ZNF90: variants seen among roughly 807,000 people sequenced by gnomAD.
ZNF90 encodes zinc finger protein HTF9.
A neutral mutation model predicts 12.0 loss-of-function variants in ZNF90; 11 were observed. The observed-to-expected ratio is 0.92, with a 90% confidence interval of 0.58 to 1.52. The LOEUF (loss-of-function observed/expected upper bound fraction) is 1.52, where lower values mean the gene tolerates loss of function less well. Ranked by LOEUF, ZNF90 falls within the 40% of genes most tolerant of loss-of-function variation. The pLI is 0.00. For missense variants in ZNF90, 765 were observed against 711.5 expected (o/e 1.08, Z -0.86); for synonymous variants, 232 against 240.1 (o/e 0.97, Z 0.31).
At chr19:20,111,265 T>C (rs2089086390) in intron 3 of ZNF90, among the ~76,000 whole-genome samples, 1 of 152,140 alleles carries the variant, frequency 6.6e-6, no homozygotes, top group Admixed American at 6.5e-5. Context: ...AGGGTCTCAC[T>C]CTGTCAACCA....
intron 1 of ZNF90, among the ~76,000 whole-genome samples, chr19:20,089,401 T>G (rs2088884598): frequency 6.6e-6 from 1 of 152,304 alleles, no homozygotes; most frequent in African/African-American, 2.4e-5. Context: ...TAAGTTTGCC[T>G]GTATTGATAG....
In ZNF90 at chr19:20,078,000, C is replaced by T; in HGVS notation, c.-133C>T. On this transcript the variant is annotated 5_prime_UTR_variant, in exon 1 of 4. Coordinates refer to ENST00000418063, the MANE Select transcript of ZNF90 (RefSeq NM_007138.2). ...GGAAGGCTTTCGGGTTTGGCGCGGC[C>T]ATTTGTCTCTTGCTGCAGCTGGTGC... is the stretch of plus-strand genomic sequence containing the variant. The T allele has an allele frequency of 3.3e-6, 4 of 1,194,968 alleles. No individual in the cohort carries two copies. Among genetic ancestry groups the T allele is most frequent in the African/African-American group, 1.5e-5 (1 of 66,572 alleles). The allele number at this position is 1,194,968 out of a possible 1,614,324, so 74.0% of individuals were successfully genotyped here.
chr19:20,110,427 C>T (rs1568290817), intron 3 of ZNF90, among the ~76,000 whole-genome samples: 1 of 151,966 alleles, frequency 6.6e-6, no homozygotes, highest in Non-Finnish European at 1.5e-5. Context: ...TACAGGCACC[C>T]ACTACCATGC....
chr19:20,107,249 C>G (rs1555704586), intron 3 of ZNF90, among the ~76,000 whole-genome samples: 1 of 152,190 alleles, frequency 6.6e-6, no homozygotes, highest in East Asian at 1.9e-4. Flanking sequence ...TCTGGAGTGG[C>G]AGAACCTCAG....
chr19:20,085,470 C>A (rs1262981468), intron 1 of ZNF90, among the ~76,000 whole-genome samples: 2 of 152,050 alleles, frequency 1.3e-5, no homozygotes, highest in Non-Finnish European at 2.9e-5. Context: ...CCGGGCTAGC[C>A]AGGATGGTCT....
rs2122534831 is a variant in ZNF90 at position 20,119,177 on chromosome 19, A to C, written c.1623A>C (p.Glu541Asp). ...GAGCGAAACCCTACAAATGTGAAGAATGTGGCAAAGCCTTTAAGCGCTCCT... is the reference window on the plus strand; with the variant it reads ...GAGCGAAACCCTACAAATGTGAAGACTGTGGCAAAGCCTTTAAGCGCTCCT... ...HTGAKPYKCE[E>D]CGKAFKRSSQ... The change falls in exon 4 of 4, where the codon GAA becomes GAC. Residue 541 changes from glutamate to aspartate, a missense_variant. By Grantham distance (45) the Glu-to-Asp change is conservative. Transcript: ENST00000418063. 1.2e-6 allele frequency: 2 copies of C among 1,613,056 alleles called. No homozygotes were observed. Among genetic ancestry groups the C allele is most frequent in the East Asian group, 2.2e-5 (1 of 44,804 alleles).
intron 3 of ZNF90, among the ~76,000 whole-genome samples, chr19:20,116,893 G>A (rs2089140979): frequency 6.6e-6 from 1 of 151,050 alleles, no homozygotes; most frequent in South Asian, 2.1e-4. Flanking sequence ...ACTTCTTTAA[G>A]CGTTTTATGT....
At chr19:20,109,454 C>T (rs915890365) in intron 3 of ZNF90, among the ~76,000 whole-genome samples, 1 of 151,956 alleles carries the variant, frequency 6.6e-6, no homozygotes, top group African/African-American at 2.4e-5. Context: ...GAGAGAAACA[C>T]TTTTGTGATC....
At chr19:20,086,634 G>A (rs1380367154) in intron 1 of ZNF90, among the ~76,000 whole-genome samples, 2 of 151,982 alleles carry the variant, frequency 1.3e-5, no homozygotes, top group Admixed American at 1.3e-4. Context: ...AATATAAAAT[G>A]TTTTAACTGA....
intron 1 of ZNF90, among the ~76,000 whole-genome samples, chr19:20,099,180 C>T (rs1467343921): frequency 2.0e-5 from 3 of 146,730 alleles, no homozygotes; most frequent in African/African-American, 7.5e-5. Context: ...TATTATTATG[C>T]TTTTTTTTTT....
chr19:20,114,855 A>T (rs7257077), intron 3 of ZNF90, among the ~76,000 whole-genome samples: 21,687 of 152,100 alleles, frequency 0.14, 2,118 homozygotes, highest in East Asian at 0.52. Context: ...TTATTATTAT[A>T]ACAGAAAATG....
At chr19:20,085,019 G>C (rs982441987) in intron 1 of ZNF90, among the ~76,000 whole-genome samples, 1 of 151,808 alleles carries the variant, frequency 6.6e-6, no homozygotes, top group Non-Finnish European at 1.5e-5. Flanking sequence ...GTATTTCCTA[G>C]GTTATCATGG....
intron 1 of ZNF90, among the ~76,000 whole-genome samples, chr19:20,080,729 T>C (rs1223633947): frequency 6.6e-6 from 1 of 152,204 alleles, no homozygotes; most frequent in Admixed American, 6.5e-5. Context: ...GAAGCATAGA[T>C]GGGCCATGGG....
chr19:20,080,695 C>A (rs1401025695), intron 1 of ZNF90, among the ~76,000 whole-genome samples: 4 of 152,148 alleles, frequency 2.6e-5, no homozygotes, highest in African/African-American at 9.7e-5. Context: ...ATTTGGGTGT[C>A]CCCAATTTTC....
At chr19:20,115,511 CTA>C (rs2122525857) in intron 3 of ZNF90, among the ~76,000 whole-genome samples, 1 of 147,138 alleles carries the variant, frequency 6.8e-6, no homozygotes, top group South Asian at 2.1e-4. Context: ...ATGGGGGATT[CTA>C]TAAAAACTCT....
intron 1 of ZNF90, among the ~76,000 whole-genome samples, chr19:20,103,883 G>A (rs541584885): frequency 3.3e-5 from 5 of 151,630 alleles, no homozygotes; most frequent in Admixed American, 6.6e-5. Flanking sequence ...AATTTGAGAG[G>A]TGCCTTCTAA....
intron 1 of ZNF90, among the ~76,000 whole-genome samples, chr19:20,090,514 G>A (rs1234240823): frequency 3.3e-5 from 5 of 152,146 alleles, no homozygotes; most frequent in African/African-American, 4.8e-5. Flanking sequence ...TCCTGCAGGC[G>A]GACGGCAGTC....
At chr19:20,109,040 A>G (rs2089064303) in intron 3 of ZNF90, among the ~76,000 whole-genome samples, 2 of 152,070 alleles carry the variant, frequency 1.3e-5, no homozygotes, top group Admixed American at 6.6e-5. Context: ...AGGTTTCTTA[A>G]CATCAGTTTA....
At position 20,104,446 on chromosome 19, in the gene ZNF90, T is replaced by C. The variant is rs1599648843; in HGVS notation, c.130+81T>C. ...TTTTTTGTGGAATGATTTTTAGTAA[T>C]GTATTGTTTGCATAAGAGAGTTTTA... On this transcript the variant is annotated intron_variant, in intron 2 of 3. Transcript: ENST00000418063. The C allele has an allele frequency of 5.4e-6, 8 of 1,478,058 alleles. No homozygotes were observed. The East Asian group carries it at 1.4e-4, about 26-fold the overall frequency. 91.6% of individuals were successfully genotyped at this position (1,478,058 alleles called of 1,614,324 possible).
Sources: allele counts gnomAD v4.1 joint callset (sites outside exome capture counted in the v4.1 genomes callset), GRCh38; gene constraint gnomAD v4.1.1; transcripts MANE v1.5; gene names NCBI Gene and HGNC (gene_info 2026-07-23, HGNC 2026-07-21).